TRANK1: variants seen among roughly 807,000 people sequenced by gnomAD.
TRANK1 encodes the protein TPR and ankyrin repeat-containing protein 1.
TRANK1 carries 198 observed loss-of-function variants against 266.0 expected under a neutral mutation model. The observed-to-expected ratio is 0.74, with a 90% confidence interval of 0.66 to 0.84. The LOEUF (loss-of-function observed/expected upper bound fraction) is 0.84, where lower values mean the gene tolerates loss of function less well. Among genes scored for constraint, TRANK1 ranks in the 40% least tolerant of loss-of-function variants. TRANK1 has a pLI of 0.00. For missense variants in TRANK1, 3,326 were observed against 3,634.6 expected, an observed-to-expected ratio of 0.92 and a Z score of 2.18; for synonymous variants, 1,396 against 1,384.1, an observed-to-expected ratio of 1.01 and a Z score of -0.19.
At chr3:36,922,466 G>A (rs1406415447) in intron 1 of TRANK1, among the ~76,000 whole-genome samples, 1 of 152,150 alleles carries the variant, frequency 6.6e-6, no homozygotes, top group African/African-American at 2.4e-5. Context: ...TTAGCCGGGT[G>A]TGGTGGTGGG....
chr3:36,857,391 A>T lies in TRANK1; in HGVS notation c.2331T>A (p.Gly777=). The change falls in exon 13 of 24, where the codon GGT becomes GGA. Residue 777 remains glycine (G), a synonymous_variant. Coordinates refer to ENST00000645898, the MANE Select transcript of TRANK1 (RefSeq NM_001329998.2). The surrounding 1 kb of genome is among the most constrained non-coding windows in gnomAD (Gnocchi z 4.3). ...EGKKDDKPTL[G]AGAPDCSEVG... ...CCTCACTACAGTCAGGGGCCCCTGCACCCAGAGTCGGCTTGTCATCTTTCT... is the reference window on the plus strand; with the variant it reads ...CCTCACTACAGTCAGGGGCCCCTGCTCCCAGAGTCGGCTTGTCATCTTTCT... The T allele has an allele frequency of 6.2e-7, 1 of 1,612,198 alleles. No homozygotes were observed. The highest frequency in any genetic ancestry group is 8.5e-7 in the Non-Finnish European group (1 of 1,178,964).
Position 36,830,936 on chromosome 3 carries a change from C to G in TRANK1, c.8647G>C (p.Glu2883Gln). ...ATATCCGAAACCCTCTTGATGTGCT[C>G]CTGGACCTTCTGCAGCATGTGGCTG... Reference protein sequence around the residue: ...EHSHMLQKVQEHIKRVSDMVE... With the variant: ...EHSHMLQKVQQHIKRVSDMVE... The change falls in exon 22 of 24, where the codon GAG becomes CAG. Residue 2883 changes from glutamate (E) to glutamine (Q), a missense_variant. By Grantham distance (29) the Glu-to-Gln change is conservative. Coordinates refer to ENST00000645898, the MANE Select transcript of TRANK1 (RefSeq NM_001329998.2). 6.2e-7 allele frequency: 1 copy of G among 1,613,960 alleles called. No homozygotes were observed. Among genetic ancestry groups the G allele is most frequent in the Non-Finnish European group, 8.5e-7 (1 of 1,179,856 alleles).
Position 36,879,954 on chromosome 3 carries a change from A to T in TRANK1, c.908-5658T>A, listed in dbSNP as rs188111674. Reference sequence around the variant, plus strand: ...CAAATATATGTAAACATGCAAATATATGTAAACATGCAAATATATGTAAAC... The same window carrying T: ...CAAATATATGTAAACATGCAAATATTTGTAAACATGCAAATATATGTAAAC... On this transcript the variant is annotated intron_variant, in intron 8 of 23. Coordinates refer to ENST00000645898, the MANE Select transcript of TRANK1 (RefSeq NM_001329998.2). 5.5e-3 allele frequency among the ~76,000 whole-genome samples: 61 copies of T among 11,114 alleles called. 19 individuals carry two copies. The highest frequency in any genetic ancestry group is 7.7e-3 in the Non-Finnish European group (54 of 7,012). The allele number at this position is 11,114 out of a possible 152,430, so 7.3% of individuals were successfully genotyped here. A position where few individuals can be genotyped will look rare whatever the true frequency, so the allele number is the denominator to read the frequency against.
chr3:36,848,865 C>A (rs1034703099), intron 15 of TRANK1, among the ~76,000 whole-genome samples: 1 of 152,128 alleles, frequency 6.6e-6, no homozygotes, highest in Non-Finnish European at 1.5e-5. Context: ...GCATGAGATA[C>A]GGACTGGCTA....
rs528360933 is a variant in TRANK1 at position 36,901,678 on chromosome 3, G to A, written c.282+1471C>T. Among the ~76,000 whole-genome samples, 6 of 152,300 alleles carry A rather than the reference G, an allele frequency of 3.9e-5. 2 individuals carry two copies. The South Asian group carries it at 1.2e-3, about 32-fold the overall frequency. On this transcript the variant is annotated intron_variant, in intron 3 of 23. Coordinates refer to ENST00000645898, the MANE Select transcript of TRANK1 (RefSeq NM_001329998.2). ...CCACTGAACCAAAAGAAGGTAGAGG[G>A]AAAATTTTTTGCCTTGCCTGTAGAG...
chr3:36,833,953 C>T (rs2078733789), intron 21 of TRANK1, 34 bp from the exon 22 acceptor site: 4 of 1,553,792 alleles, frequency 2.6e-6, no homozygotes, highest in Non-Finnish European at 2.6e-6. Context: ...GTCAACTTGC[C>T]ATCACCCAAT....
At chr3:36,862,650 C>A (rs1199582549) in intron 10 of TRANK1, among the ~76,000 whole-genome samples, 1 of 152,166 alleles carries the variant, frequency 6.6e-6, no homozygotes. Flanking sequence ...AGGTATACAT[C>A]ATGATCCAAA....
chr3:36,890,710 C>A (rs141798673), intron 7 of TRANK1, among the ~76,000 whole-genome samples: 111 of 152,316 alleles, frequency 7.3e-4, no homozygotes, highest in African/African-American at 2.4e-3. Context: ...ATATTGAATT[C>A]TTTTCCCAGA....
chr3:36,831,798 C>T lies in TRANK1; in HGVS notation c.7785G>A (p.Arg2595=), dbSNP rs767253297. The change falls in exon 22 of 24, where the codon AGG becomes AGA. Residue 2595 remains arginine (R), a synonymous_variant. Coordinates refer to ENST00000645898, the MANE Select transcript of TRANK1 (RefSeq NM_001329998.2). This position sits in a 1 kb window ranked among gnomAD's most constrained non-coding sequence, Gnocchi z 5.0. ...LYRHFREIES[R]LQLMSMDCPG... is the part of the protein sequence containing the mutation. The stretch of plus-strand genomic sequence containing the variant: ...GGCAGTCCATGCTCATGAGCTGCAG[C>T]CTTGACTCAATCTCCCGGAAGTGGC... 6.2e-7 allele frequency: 1 copy of T among 1,613,970 alleles called. No individual in the cohort carries two copies. The highest frequency in any genetic ancestry group is 8.5e-7 in the Non-Finnish European group (1 of 1,179,892).
At chr3:36,923,747 C>T (rs974766341) in intron 1 of TRANK1, among the ~76,000 whole-genome samples, 8 of 152,032 alleles carry the variant, frequency 5.3e-5, no homozygotes, top group African/African-American at 1.7e-4. Context: ...TGCAGGTCTC[C>T]GGCAGGAGCT....
chr3:36,837,763 T>C (rs1311656895), intron 20 of TRANK1, among the ~76,000 whole-genome samples: 1 of 152,260 alleles, frequency 6.6e-6, no homozygotes, highest in Non-Finnish European at 1.5e-5. Flanking sequence ...CTGACCACTC[T>C]GTGAGTAGCT....
intron 18 of TRANK1, among the ~76,000 whole-genome samples, chr3:36,838,960 A>ATT (rs1226888834): frequency 1.3e-5 from 2 of 152,220 alleles, no homozygotes; most frequent in African/African-American, 4.8e-5. Context: ...CAGAATATGT[A>ATT]TTTTTTCAAG....
intron 8 of TRANK1, among the ~76,000 whole-genome samples, chr3:36,875,513 CA>C (rs2125576796): frequency 6.6e-6 from 1 of 152,306 alleles, no homozygotes; most frequent in African/African-American, 2.4e-5. Flanking sequence ...TAGCCAAAGC[CA>C]ACACCTTCAG....
chr3:36,844,035 C>T (rs1197681170), intron 17 of TRANK1, among the ~76,000 whole-genome samples: 1 of 152,160 alleles, frequency 6.6e-6, no homozygotes, highest in East Asian at 1.9e-4. Context: ...TGAATCCAAA[C>T]ACAATGGGAA....
In TRANK1 at chr3:36,861,069, C is replaced by T. The variant is rs796123894; in HGVS notation, c.1332G>A (p.Val444=). ...TTACTTTGCGGGTCAGCAGCAGAAG[C>T]ACCTCAGGCCATCTCTGTTTTTCCA... ...FLLEKQRWPE[V]LLLLTRKVSG... is the part of the protein sequence containing the mutation. Residue 444 remains valine (V), a synonymous_variant, in exon 11 of 24, where the codon GTG becomes GTA. Transcript: ENST00000645898. 12 of 1,537,702 alleles carry T rather than the reference C, an allele frequency of 7.8e-6. No homozygotes were observed. The African/African-American group carries it at 1.4e-4, about 18-fold the overall frequency.
At chr3:36,893,625 C>T (rs1014803368) in intron 5 of TRANK1, among the ~76,000 whole-genome samples, 1 of 152,218 alleles carries the variant, frequency 6.6e-6, no homozygotes, top group African/African-American at 2.4e-5. Context: ...CTGACCCTAT[C>T]TAAAGTTGCT....
At chr3:36,850,995 G>A in intron 15 of TRANK1, 1 of 985,562 alleles carries the variant, frequency 1.0e-6, no homozygotes, top group South Asian at 4.7e-5. Flanking sequence ...TCCACCAAAA[G>A]ATAGTGGGAA....
Position 36,856,501 on chromosome 3 carries a change from A to T in TRANK1, c.3221T>A (p.Leu1074His), listed in dbSNP as rs767598000. The change falls in exon 13 of 24, where the codon CTT becomes CAT. Residue 1074 changes from leucine (L) to histidine (H), a missense_variant. Physicochemically the swap from Leu to His is moderately conservative, Grantham distance 99. Coordinates refer to ENST00000645898, the MANE Select transcript of TRANK1 (RefSeq NM_001329998.2). The part of the protein sequence containing the change: ...LNPRPLEPII[L>H]IGRSGTGKTT... The stretch of plus-strand genomic sequence containing the variant: ...CTTCCCAGTGCCACTTCGCCCAATA[A>T]GGATGATGGGCTCCAGTGGCCTGGG... 6.2e-7 allele frequency: 1 copy of T among 1,614,008 alleles called. No individual in the cohort carries two copies. Among genetic ancestry groups the T allele is most frequent in the Non-Finnish European group, 8.5e-7 (1 of 1,179,902 alleles).
chr3:36,865,738 A>G (rs1047116139), intron 9 of TRANK1, among the ~76,000 whole-genome samples: 1 of 151,990 alleles, frequency 6.6e-6, no homozygotes, highest in Non-Finnish European at 1.5e-5. Flanking sequence ...ACACACATAC[A>G]TATATATAGA....
Sources: gnomAD v4.1 joint callset for allele counts (sites outside exome capture counted in the v4.1 genomes callset) on GRCh38, gnomAD v4.1.1 for gene constraint, Gnocchi (gnomAD v3.1) non-coding constraint, MANE v1.5 for transcripts, NCBI Gene and HGNC (gene_info 2026-07-23, HGNC 2026-07-21) for gene names.